Variants in DIAPH3 observed in about 807,000 individuals in gnomAD.
The protein encoded by DIAPH3 is diaphanous related formin 3.
A neutral mutation model predicts 144.3 loss-of-function variants in DIAPH3; 117 were observed. The observed-to-expected ratio is 0.81, with a 90% CI of 0.70 to 0.95. The LOEUF (loss-of-function observed/expected upper bound fraction) is 0.95. DIAPH3 is among the 40% of genes least tolerant of loss of function. The probability of loss-of-function intolerance (pLI) is 0.00; values close to 1 mark genes in which losing one functional copy is unlikely to be tolerated. For synonymous variants in DIAPH3, 519 were observed against 488.9 expected (o/e 1.06, Z -0.81); for missense variants, 1,421 against 1,412.7 (o/e 1.01, Z -0.09).
chr13:60,124,849 G>A (rs1004948169), intron 2 of DIAPH3, among the ~76,000 whole-genome samples: 1 of 151,938 alleles, frequency 6.6e-6, no homozygotes, highest in Admixed American at 6.6e-5. Context: ...AAAAAAAGGG[G>A]AAAGAATGAG....
intron 17 of DIAPH3, among the ~76,000 whole-genome samples, chr13:59,956,252 C>T (rs950262908): frequency 6.6e-6 from 1 of 152,174 alleles, no homozygotes; most frequent in Non-Finnish European, 1.5e-5. Context: ...TGTCAGAGGT[C>T]TTCATAGCAG....
At chr13:59,892,004 T>TAAAC (rs201815265) in intron 20 of DIAPH3, among the ~76,000 whole-genome samples, 2 of 151,910 alleles carry the variant, frequency 1.3e-5, no homozygotes, top group East Asian at 1.9e-4. Flanking sequence ...AGATTCATAT[T>TAAAC]AAACAAACAA....
chr13:59,982,493 T>A lies in DIAPH3; in HGVS notation c.1480+1276A>T, dbSNP rs116145005. On this transcript the variant is annotated intron_variant, in intron 13 of 27. Transcript: ENST00000400324. ...AGCATTTTCATTAATATTATCTAGT[T>A]CTTCACTAATTATATTTCATTCTTC... Among the ~76,000 whole-genome samples the A allele has an allele frequency of 6.7e-3, 1,022 of 151,614 alleles. 12 individuals are homozygous for A. The highest frequency in any genetic ancestry group is 0.022 in the African/African-American group (920 of 41,472).
chr13:59,966,220 A>G (rs2140530311), intron 17 of DIAPH3, among the ~76,000 whole-genome samples: 1 of 152,282 alleles, frequency 6.6e-6, no homozygotes, highest in African/African-American at 2.4e-5. Flanking sequence ...GTTGTTGTAA[A>G]TGGTCACAAA....
At chr13:59,803,847 A>C (rs1309528154) in intron 25 of DIAPH3, among the ~76,000 whole-genome samples, 2 of 152,162 alleles carry the variant, frequency 1.3e-5, no homozygotes, top group Non-Finnish European at 2.9e-5. Flanking sequence ...CTCTTGGAAA[A>C]ATTTCCCACC....
chr13:59,932,602 T>C (rs1015155241), intron 17 of DIAPH3, among the ~76,000 whole-genome samples: 1 of 152,140 alleles, frequency 6.6e-6, no homozygotes. Context: ...TGATATAATT[T>C]AACCAATTCT....
At chr13:60,122,976 T>C (rs1311870130) in intron 2 of DIAPH3, among the ~76,000 whole-genome samples, 1 of 152,126 alleles carries the variant, frequency 6.6e-6, no homozygotes, top group South Asian at 2.1e-4. Flanking sequence ...CCTGTATATA[T>C]TACATTTTAT....
intron 20 of DIAPH3, among the ~76,000 whole-genome samples, chr13:59,883,107 G>A (rs2045193787): frequency 6.6e-6 from 1 of 152,138 alleles, no homozygotes; most frequent in African/African-American, 2.4e-5. Flanking sequence ...AACAAGTATT[G>A]ACTGGGCCCC....
chr13:60,035,334 C>T (rs920708106), intron 5 of DIAPH3, among the ~76,000 whole-genome samples: 3 of 152,136 alleles, frequency 2.0e-5, no homozygotes, highest in Middle Eastern at 3.4e-3. Context: ...TTTGCTACAT[C>T]TATAAACCAA....
intron 27 of DIAPH3, among the ~76,000 whole-genome samples, chr13:59,685,936 A>C (rs539420503): frequency 6.6e-6 from 1 of 152,210 alleles, no homozygotes; most frequent in East Asian, 1.9e-4. Flanking sequence ...ATTTGGTTTT[A>C]ATCTGAGATA....
chr13:60,117,987 T>TG (rs1352695819), intron 2 of DIAPH3, among the ~76,000 whole-genome samples: 5 of 152,178 alleles, frequency 3.3e-5, no homozygotes, highest in Non-Finnish European at 7.4e-5. Context: ...TTGCCTTTGT[T>TG]GAAGAATTAG....
intron 3 of DIAPH3, among the ~76,000 whole-genome samples, chr13:60,108,612 A>G (rs928944695): frequency 6.6e-6 from 1 of 152,148 alleles, no homozygotes; most frequent in African/African-American, 2.4e-5. Flanking sequence ...TCTCGAAAAA[A>G]AAATAAAAAT....
chr13:59,926,367 T>G (rs1273953854), intron 17 of DIAPH3, among the ~76,000 whole-genome samples: 6 of 152,180 alleles, frequency 3.9e-5, no homozygotes, highest in Admixed American at 3.3e-4. Flanking sequence ...ACTTTGGGTT[T>G]GGTTTGTTGT....
intron 17 of DIAPH3, among the ~76,000 whole-genome samples, chr13:59,961,514 T>TA (rs780795310): frequency 1.1e-4 from 16 of 152,184 alleles, no homozygotes; most frequent in Non-Finnish European, 1.8e-4. Flanking sequence ...ATGGTTTTAA[T>TA]AAAAAATGGC....
intron 27 of DIAPH3, among the ~76,000 whole-genome samples, chr13:59,746,325 G>A (rs1297443723): frequency 6.6e-6 from 1 of 151,968 alleles, no homozygotes; most frequent in African/African-American, 2.4e-5. Context: ...CCAGGTTCAA[G>A]CGATTCTTGT....
At chr13:59,909,410 G>A (rs1477359502) in intron 20 of DIAPH3, among the ~76,000 whole-genome samples, 1 of 147,262 alleles carries the variant, frequency 6.8e-6, no homozygotes, top group Non-Finnish European at 1.5e-5. Context: ...ACTTCTCTTT[G>A]GAGAGCAAAA....
At chr13:59,943,549 C>T (rs2048649406) in intron 17 of DIAPH3, among the ~76,000 whole-genome samples, 1 of 152,176 alleles carries the variant, frequency 6.6e-6, no homozygotes, top group Admixed American at 6.6e-5. Flanking sequence ...CACTCACTCA[C>T]TCCCTCCCAA....
At chr13:59,691,879 T>A (rs890887623) in intron 27 of DIAPH3, among the ~76,000 whole-genome samples, 6 of 152,180 alleles carry the variant, frequency 3.9e-5, no homozygotes, top group Non-Finnish European at 7.4e-5. Context: ...AGTCCACTGA[T>A]CCTTTGTAAA....
rs775539388 is a variant in DIAPH3 at position 60,008,489 on chromosome 13, G to A, written c.1014+55C>T. The stretch of plus-strand genomic sequence containing the variant: ...TTTCATATAAACCAATCATAAAACC[G>A]TTAAAAGTAATATATGCCATTTAAA... On this transcript the variant is annotated intron_variant, in intron 9 of 27. Coordinates refer to ENST00000400324, the MANE Select transcript of DIAPH3 (RefSeq NM_001042517.2). The A allele has an allele frequency of 2.7e-5, 32 of 1,182,128 alleles. 1 individual carries two copies. The highest frequency in any genetic ancestry group is 1.9e-4 in the South Asian group (15 of 78,730). 73.2% of individuals were successfully genotyped at this position (1,182,128 alleles called of 1,614,324 possible). A position where few individuals can be genotyped will look rare whatever the true frequency, so the allele number is the denominator to read the frequency against.
Sources: allele counts gnomAD v4.1 joint callset (sites outside exome capture counted in the v4.1 genomes callset), GRCh38; gene constraint gnomAD v4.1.1; transcripts MANE v1.5; gene names NCBI Gene and HGNC (gene_info 2026-07-23, HGNC 2026-07-21).